CNTN4: variants seen among roughly 807,000 people sequenced by gnomAD.
CNTN4 encodes contactin-4.
CNTN4 carries 77 observed loss-of-function variants against 122.5 expected under a neutral mutation model. The ratio of observed to expected loss-of-function variants is 0.63; its 90% confidence interval spans 0.52 to 0.76. The LOEUF is 0.76. Ranked by LOEUF, CNTN4 falls within the 30% of genes least tolerant of loss-of-function variation. The pLI is 0.00. For synonymous variants in CNTN4, 512 were observed against 447.0 expected (o/e 1.15, Z -1.83); for missense variants, 1,256 against 1,259.1 (o/e 1.00, Z 0.04).
At chr3:2,996,312 T>C (rs1411413452) in intron 14 of CNTN4, among the ~76,000 whole-genome samples, 1 of 152,128 alleles carries the variant, frequency 6.6e-6, no homozygotes, top group Non-Finnish European at 1.5e-5. Context: ...ATATTTCAAA[T>C]TAAAAAGAAT....
intron 3 of CNTN4, among the ~76,000 whole-genome samples, chr3:2,462,087 C>A (rs920753773): frequency 2.0e-5 from 3 of 152,132 alleles, no homozygotes; most frequent in African/African-American, 7.2e-5. Flanking sequence ...CTCAAGTACA[C>A]AAGATAGACC....
At chr3:2,248,888 G>A (rs966167160) in intron 2 of CNTN4, among the ~76,000 whole-genome samples, 6 of 151,908 alleles carry the variant, frequency 3.9e-5, no homozygotes, top group Non-Finnish European at 8.8e-5. Flanking sequence ...TGTTTTAATG[G>A]GAAATTAGGT....
At chr3:2,580,363 T>C (rs922891908) in intron 4 of CNTN4, among the ~76,000 whole-genome samples, 2 of 152,120 alleles carry the variant, frequency 1.3e-5, no homozygotes, top group African/African-American at 4.8e-5. Context: ...GTACTTCCAG[T>C]AGTTTATCAA....
intron 2 of CNTN4, among the ~76,000 whole-genome samples, chr3:2,279,658 G>C (rs921549214): frequency 6.6e-6 from 1 of 152,008 alleles, no homozygotes; most frequent in African/African-American, 2.4e-5. Context: ...TTTTTGACAG[G>C]ATTGCCTGTT....
At chr3:2,231,248 C>T (rs138140642) in intron 2 of CNTN4, among the ~76,000 whole-genome samples, 1 of 152,242 alleles carries the variant, frequency 6.6e-6, no homozygotes, top group African/African-American at 2.4e-5. Context: ...ATAGTCACAT[C>T]TGGCTAGTGG....
intron 2 of CNTN4, among the ~76,000 whole-genome samples, chr3:2,190,341 T>C (rs1353339346): frequency 2.6e-5 from 4 of 151,716 alleles, no homozygotes; most frequent in African/African-American, 4.8e-5. Context: ...GTTTTTTTTT[T>C]CTGAAATAAT....
intron 6 of CNTN4, among the ~76,000 whole-genome samples, chr3:2,773,012 C>A (rs1303853613): frequency 1.3e-5 from 2 of 152,100 alleles, no homozygotes; most frequent in Non-Finnish European, 2.9e-5. Context: ...TTGAAAAATG[C>A]CCACTGGATC....
At chr3:2,125,794 G>C (rs960879061) in intron 2 of CNTN4, among the ~76,000 whole-genome samples, 1 of 151,798 alleles carries the variant, frequency 6.6e-6, no homozygotes, top group Non-Finnish European at 1.5e-5. Flanking sequence ...CTGACCTCGT[G>C]ATCCGCCCGC....
chr3:2,593,259 T>C (rs566455441), intron 4 of CNTN4, among the ~76,000 whole-genome samples: 1 of 152,350 alleles, frequency 6.6e-6, no homozygotes, highest in South Asian at 2.1e-4. Flanking sequence ...AGCTAATAAG[T>C]CAATGTCAGG....
At chr3:2,405,156 A>C (rs542437265) in intron 3 of CNTN4, among the ~76,000 whole-genome samples, 1 of 152,284 alleles carries the variant, frequency 6.6e-6, no homozygotes, top group South Asian at 2.1e-4. Context: ...ATTATCATCC[A>C]GTTTCAGAGC....
At chr3:2,637,747 A>G (rs1156652856) in intron 4 of CNTN4, among the ~76,000 whole-genome samples, 1 of 152,202 alleles carries the variant, frequency 6.6e-6, no homozygotes, top group East Asian at 1.9e-4. Flanking sequence ...ACATTGGGTT[A>G]TCTGCCTAAC....
At chr3:2,650,031 T>C (rs1428931623) in intron 4 of CNTN4, among the ~76,000 whole-genome samples, 2 of 147,364 alleles carry the variant, frequency 1.4e-5, no homozygotes, top group Non-Finnish European at 3.0e-5. Flanking sequence ...TATAAATATA[T>C]ATAATATAAA....
At chr3:2,812,060 G>T (rs567290292) in intron 6 of CNTN4, among the ~76,000 whole-genome samples, 61 of 152,238 alleles carry the variant, frequency 4.0e-4, no homozygotes, top group African/African-American at 1.1e-3. Context: ...TCACTTACAA[G>T]TCGGAGCTAA....
At chr3:2,297,476 A>G (rs752132884) in intron 2 of CNTN4, among the ~76,000 whole-genome samples, 5 of 152,212 alleles carry the variant, frequency 3.3e-5, no homozygotes, top group Non-Finnish European at 5.9e-5. Context: ...ATCAGATTCC[A>G]TCTCCTCAGT....
At chr3:2,729,289 G>A (rs534461977) in intron 4 of CNTN4, among the ~76,000 whole-genome samples, 7 of 152,230 alleles carry the variant, frequency 4.6e-5, no homozygotes, top group Admixed American at 1.3e-4. Context: ...AAGTGGCCGG[G>A]CGCGGTGGCT....
At chr3:2,283,033 TTTC>T (rs2041775200) in intron 2 of CNTN4, among the ~76,000 whole-genome samples, 1 of 152,090 alleles carries the variant, frequency 6.6e-6, no homozygotes, top group African/African-American at 2.4e-5. Flanking sequence ...GGGTATGGAG[TTTC>T]TTTAGAGGAA....
intron 3 of CNTN4, among the ~76,000 whole-genome samples, chr3:2,483,740 T>C (rs530039654): frequency 2.1e-4 from 32 of 152,226 alleles, no homozygotes; most frequent in African/African-American, 7.7e-4. Flanking sequence ...TGTGAAGAGG[T>C]GCCTTCTACC....
At chr3:2,194,017 A>G (rs1303504961) in intron 2 of CNTN4, among the ~76,000 whole-genome samples, 2 of 151,940 alleles carry the variant, frequency 1.3e-5, no homozygotes, top group Non-Finnish European at 2.9e-5. Flanking sequence ...GTGATGTGTG[A>G]CTCTTTTCAG....
At chr3:2,503,174 A>G (rs11129166) in intron 3 of CNTN4, among the ~76,000 whole-genome samples, 102,978 of 151,948 alleles carry the variant, frequency 0.68, 35,115 homozygotes, top group Admixed American at 0.72. Context: ...TGTTGGGGAA[A>G]GTGGGATTGA....
Sources: gnomAD v4.1 joint callset for allele counts (sites outside exome capture counted in the v4.1 genomes callset) on GRCh38, gnomAD v4.1.1 for gene constraint, MANE v1.5 for transcripts, NCBI Gene and HGNC (gene_info 2026-07-23, HGNC 2026-07-21) for gene names.